The following CYP4B1 variants were observed in gnomAD, a reference collection of about 807,000 sequenced individuals.
The protein encoded by CYP4B1 is cytochrome P450 family 4 subfamily B member 1.
CYP4B1 carries 45 observed loss-of-function variants against 54.0 expected under a neutral mutation model. The ratio of observed to expected loss-of-function variants is 0.83; its 90% CI spans 0.66 to 1.07. CYP4B1 has a LOEUF of 1.07. Among genes scored for constraint, CYP4B1 ranks in the 50% least tolerant of loss-of-function variants. CYP4B1 has a pLI of 0.00. For synonymous variants in CYP4B1, 248 were observed against 247.5 expected (o/e 1.00, Z -0.02); for missense variants, 656 against 655.4 (o/e 1.00, Z -0.01).
At chr1:46,804,580 G>C (rs1489130883) in intron 1 of CYP4B1, among the ~76,000 whole-genome samples, 1 of 152,014 alleles carries the variant, frequency 6.6e-6, no homozygotes, top group African/African-American at 2.4e-5. Context: ...AATCCAGATG[G>C]ACTGGTCTTG....
At chr1:46,813,717 G>A (rs1679208669) in intron 5 of CYP4B1, 111 bp downstream of exon 5, 1 of 1,518,744 alleles carries the variant, frequency 6.6e-7, no homozygotes, top group South Asian at 1.2e-5. Flanking sequence ...CTGCCCCAGG[G>A]AGCCTTAGCT....
intron 1 of CYP4B1, among the ~76,000 whole-genome samples, chr1:46,800,229 C>CTT (rs1235338606): frequency 0.021 from 671 of 31,794 alleles, 86 homozygotes; most frequent in African/African-American, 0.049. Context: ...TTCTCTCTTT[C>CTT]TTTCTTTCTT....
intron 4 of CYP4B1, among the ~76,000 whole-genome samples, chr1:46,813,113 G>A (rs376581121): frequency 2.0e-5 from 3 of 152,156 alleles, no homozygotes; most frequent in Admixed American, 2.0e-4. Flanking sequence ...AGTTATCCAG[G>A]CTAGTCTTTC....
intron 1 of CYP4B1, among the ~76,000 whole-genome samples, chr1:46,806,569 C>A (rs902560361): frequency 6.6e-6 from 1 of 152,194 alleles, no homozygotes; most frequent in Non-Finnish European, 1.5e-5. Context: ...AAAGAGAGGT[C>A]AGGGTTCCAC....
At chr1:46,800,917 C>T (rs898574950) in intron 1 of CYP4B1, among the ~76,000 whole-genome samples, 14 of 152,242 alleles carry the variant, frequency 9.2e-5, no homozygotes, top group African/African-American at 1.4e-4. Flanking sequence ...GCCTTGCTCC[C>T]GAGCTGGGCG....
intron 1 of CYP4B1, among the ~76,000 whole-genome samples, chr1:46,801,358 C>T (rs944028844): frequency 6.6e-6 from 1 of 152,160 alleles, no homozygotes; most frequent in African/African-American, 2.4e-5. Context: ...TTGTGTTTGC[C>T]CTCAGCCAGG....
intron 1 of CYP4B1, among the ~76,000 whole-genome samples, chr1:46,810,490 T>C (rs45445292): frequency 0.025 from 3,824 of 152,266 alleles, 80 homozygotes; most frequent in South Asian, 0.071. Context: ...TAAAGAGCTT[T>C]AATGTGGAGA....
At chr1:46,808,502 T>C (rs1678952869) in intron 1 of CYP4B1, among the ~76,000 whole-genome samples, 1 of 151,828 alleles carries the variant, frequency 6.6e-6, no homozygotes. Flanking sequence ...GTTTGTTTTT[T>C]TCTTGTAAAT....
At chr1:46,817,853 C>A in intron 9 of CYP4B1, 112 bp from the exon 10 acceptor site, 1 of 857,442 alleles carries the variant, frequency 1.2e-6, no homozygotes, top group Non-Finnish European at 2.0e-6. Flanking sequence ...TGGCAGTGGT[C>A]AGGCAGGAGC....
Position 46,814,455 on chromosome 1 carries a change from A to G in CYP4B1, c.882+140A>G. The G allele has an allele frequency of 1.2e-5, 8 of 684,158 alleles. 1 individual carries two copies. Among genetic ancestry groups the G allele is most frequent in the Non-Finnish European group, 1.8e-5 (7 of 397,838 alleles). The allele number at this position is 684,158 out of a possible 1,614,324, so 42.4% of individuals were successfully genotyped here. A position where few individuals can be genotyped will look rare whatever the true frequency, so the allele number is the denominator to read the frequency against. On this transcript the variant is annotated intron_variant, in intron 7 of 11. Transcript: ENST00000371923. ...TAACCTGTTCCTCGTCCCATGAAAC[A>G]TATTAGCAGGGGTTCAGAGGTGGGC... is the stretch of plus-strand genomic sequence containing the variant.
chr1:46,801,016 A>G (rs1448316796), intron 1 of CYP4B1, among the ~76,000 whole-genome samples: 3 of 151,996 alleles, frequency 2.0e-5, no homozygotes, highest in Non-Finnish European at 4.4e-5. Flanking sequence ...TACCTATTCA[A>G]CTTCTGCACT....
chr1:46,817,017 T>C, intron 8 of CYP4B1, 31 bp from the exon 9 acceptor site: 1 of 1,609,496 alleles, frequency 6.2e-7, no homozygotes, highest in Non-Finnish European at 8.5e-7. Flanking sequence ...TGCTTCCCAT[T>C]CCAAGAATGT....
At position 46,799,113 on chromosome 1, in the gene CYP4B1, C is replaced by G. The variant is rs775704371; in HGVS notation, c.32C>G (p.Ser11Cys). 1 of 1,614,026 alleles carries G rather than the reference C, an allele frequency of 6.2e-7. No homozygotes were observed. Among genetic ancestry groups the G allele is most frequent in the Non-Finnish European group, 8.5e-7 (1 of 1,179,988 alleles). MVPSFLSLSF[S>C]SLGLWASGLI... ...CCCAGCTTCCTCTCCCTGAGCTTCTCCTCCTTGGGCCTGTGGGCTTCTGGG... is the reference window on the plus strand; with the variant it reads ...CCCAGCTTCCTCTCCCTGAGCTTCTGCTCCTTGGGCCTGTGGGCTTCTGGG... The change falls in exon 1 of 12, where the codon TCC (serine) becomes TGC (cysteine). Residue 11 changes from serine to cysteine, a missense_variant. Physicochemically the swap from Ser to Cys is moderately radical, Grantham distance 112. Coordinates refer to ENST00000371923, the MANE Select transcript of CYP4B1 (RefSeq NM_001099772.2).
At chr1:46,808,345 T>C (rs1015630831) in intron 1 of CYP4B1, among the ~76,000 whole-genome samples, 3 of 152,064 alleles carry the variant, frequency 2.0e-5, no homozygotes, top group African/African-American at 7.2e-5. Flanking sequence ...TTCTAACTGG[T>C]GTGAGATGGT....
At position 46,799,293 on chromosome 1, in the gene CYP4B1, G is replaced by C. The variant is rs780103150; in HGVS notation, c.180+32G>C. 4 of 1,545,264 alleles carry C rather than the reference G, an allele frequency of 2.6e-6. No individual in the cohort carries two copies. In the African/African-American group the frequency reaches 5.5e-5, roughly 21 times the overall value. On this transcript the variant is annotated intron_variant, in intron 1 of 11. Coordinates refer to ENST00000371923, the MANE Select transcript of CYP4B1 (RefSeq NM_001099772.2). ...GGAGGTCGGGAGGGTGGGGGAGAAA[G>C]AAAACATCCTCCCTCCTTTCAGAGA...
At chr1:46,818,352 T>C in intron 11 of CYP4B1, 139 bp downstream of exon 11, 1 of 831,108 alleles carries the variant, frequency 1.2e-6, no homozygotes, top group Non-Finnish European at 1.9e-6. Context: ...TGCAGGAGGC[T>C]TCTTCTTGCA....
At chr1:46,816,979 TG>T (rs1365500463) in intron 8 of CYP4B1, 68 bp from the exon 9 acceptor site, 10 of 1,576,720 alleles carry the variant, frequency 6.3e-6, no homozygotes, top group African/African-American at 1.3e-5. Context: ...AAACTGGGGC[TG>T]GGGTCTGCTT....
chr1:46,803,884 G>T (rs910857599), intron 1 of CYP4B1, among the ~76,000 whole-genome samples: 2 of 152,164 alleles, frequency 1.3e-5, no homozygotes, highest in Non-Finnish European at 2.9e-5. Flanking sequence ...ACCATCCCCA[G>T]GTTCAGTAGG....
intron 1 of CYP4B1, among the ~76,000 whole-genome samples, chr1:46,802,466 G>A (rs1414589865): frequency 6.6e-6 from 1 of 152,168 alleles, no homozygotes; most frequent in Admixed American, 6.5e-5. Flanking sequence ...GGTTAGAAGG[G>A]GATAGAAAGA....
Sources: gnomAD v4.1 joint callset for allele counts (sites outside exome capture counted in the v4.1 genomes callset) on GRCh38, gnomAD v4.1.1 for gene constraint, MANE v1.5 for transcripts, NCBI Gene and HGNC (gene_info 2026-07-23, HGNC 2026-07-21) for gene names.